The following ARHGAP32 variants were observed in gnomAD, a reference collection of about 807,000 sequenced individuals.
ARHGAP32 encodes Rho GTPase activating protein 32, also known as rho GTPase-activating protein 32.
In ARHGAP32, 51 loss-of-function variants were observed where a neutral mutation model predicts 186.5. That is an observed-to-expected ratio of 0.27 (90% confidence interval 0.22 to 0.35). The LOEUF is 0.35. Ranked by LOEUF, ARHGAP32 falls within the 10% of genes least tolerant of loss-of-function variation. The pLI, the probability that ARHGAP32 is intolerant of heterozygous loss-of-function variation, is 1.00. For missense variants in ARHGAP32, 2,186 were observed against 2,623.5 expected (o/e 0.83, Z 3.64); for synonymous variants, 950 against 964.3 (o/e 0.99, Z 0.27).
chr11:129,045,593 T>C (rs537050202), intron 10 of ARHGAP32, among the ~76,000 whole-genome samples: 1 of 152,358 alleles, frequency 6.6e-6, no homozygotes, highest in Non-Finnish European at 1.5e-5. Context: ...TTCTAATGAA[T>C]ACTTCACCTA....
intron 1 of ARHGAP32, among the ~76,000 whole-genome samples, chr11:129,261,532 A>G (rs1258309985): frequency 6.6e-6 from 1 of 152,212 alleles, no homozygotes; most frequent in Non-Finnish European, 1.5e-5. Flanking sequence ...CGGTTACATT[A>G]ATTCAGTTGT....
At chr11:129,000,196 A>C (rs1946317267) in intron 11 of ARHGAP32, among the ~76,000 whole-genome samples, 1 of 152,190 alleles carries the variant, frequency 6.6e-6, no homozygotes, top group African/African-American at 2.4e-5. Context: ...ATCATCTTAA[A>C]TCCTTTATAG....
intron 6 of ARHGAP32, among the ~76,000 whole-genome samples, chr11:129,087,304 C>A (rs891918914): frequency 2.6e-5 from 4 of 152,130 alleles, no homozygotes; most frequent in African/African-American, 9.7e-5. Context: ...ATGTTTATAG[C>A]AACTTTATTC....
intron 1 of ARHGAP32, among the ~76,000 whole-genome samples, chr11:129,170,927 T>C (rs771900126): frequency 6.6e-6 from 1 of 152,364 alleles, no homozygotes; most frequent in African/African-American, 2.4e-5. Flanking sequence ...TCAGTTATGT[T>C]GAGCTTCTTT....
intron 11 of ARHGAP32, among the ~76,000 whole-genome samples, chr11:129,016,565 A>G (rs1012675116): frequency 5.3e-5 from 8 of 152,252 alleles, no homozygotes; most frequent in Non-Finnish European, 1.0e-4. Context: ...TGCATATAGC[A>G]TGTAAGACGT....
At chr11:129,205,323 C>T (rs553825012) in intron 1 of ARHGAP32, among the ~76,000 whole-genome samples, 1 of 152,230 alleles carries the variant, frequency 6.6e-6, no homozygotes, top group African/African-American at 2.4e-5. Flanking sequence ...TTTCAAGTTA[C>T]ATCACTGTTC....
rs1192422715 is a variant in ARHGAP32, at chr11:129,235,935, A to ACACACT, written c.-5+43205_-5+43210dup. Among the ~76,000 whole-genome samples, 3 of 129,950 alleles carry ACACACT rather than the reference A, an allele frequency of 2.3e-5. No individual in the cohort carries two copies. In the South Asian group the frequency reaches 6.9e-4, roughly 30 times the overall value. 85.3% of individuals were successfully genotyped at this position (129,950 alleles called of 152,430 possible). On this transcript the variant is annotated intron_variant, in intron 1 of 6. Coordinates refer to the ARHGAP32 transcript ENST00000525234. Reference sequence around the variant, plus strand: ...CACACACACACACACACACACACACACACACTCACACACATTTTCTTTATC... The same window carrying ACACACT: ...CACACACACACACACACACACACACACACACTCACACTCACACACATTTTCTTTATC...
At chr11:129,258,520 C>T (rs941438508) in intron 1 of ARHGAP32, among the ~76,000 whole-genome samples, 8 of 152,134 alleles carry the variant, frequency 5.3e-5, no homozygotes, top group African/African-American at 1.9e-4. Context: ...ATTTTCCCTA[C>T]AGCCAAACTT....
At chr11:129,002,970 G>A (rs567303832) in intron 11 of ARHGAP32, among the ~76,000 whole-genome samples, 17 of 150,782 alleles carry the variant, frequency 1.1e-4, no homozygotes, top group South Asian at 4.2e-4. Flanking sequence ...CACTACGCCC[G>A]GCTAACTTTT....
At chr11:129,054,403 C>T (rs1364365911) in intron 10 of ARHGAP32, among the ~76,000 whole-genome samples, 1 of 152,152 alleles carries the variant, frequency 6.6e-6, no homozygotes, top group Non-Finnish European at 1.5e-5. Flanking sequence ...GCATAATAAT[C>T]ATCTGAAAAA....
chr11:129,150,114 C>CAAAAAAA (rs61492745), intron 2 of ARHGAP32, among the ~76,000 whole-genome samples: 1 of 78,168 alleles, frequency 1.3e-5, no homozygotes, highest in African/African-American at 4.5e-5. Flanking sequence ...CTGACAAAGA[C>CAAAAAAA]AAAAAAAAAA....
intron 1 of ARHGAP32, among the ~76,000 whole-genome samples, chr11:129,240,318 T>G (rs190661596): frequency 4.8e-4 from 73 of 152,040 alleles, no homozygotes; most frequent in African/African-American, 1.7e-3. Flanking sequence ...TATATGACCT[T>G]GGGGAAAAAA....
At chr11:129,225,191 C>T (rs1049372779) in intron 1 of ARHGAP32, among the ~76,000 whole-genome samples, 18 of 152,208 alleles carry the variant, frequency 1.2e-4, no homozygotes, top group South Asian at 2.1e-4. Context: ...GATAAATACA[C>T]TAATGAAAAA....
At chr11:129,236,475 T>C (rs570220864) in intron 1 of ARHGAP32, among the ~76,000 whole-genome samples, 16 of 152,160 alleles carry the variant, frequency 1.1e-4, no homozygotes, top group African/African-American at 2.4e-4. Context: ...TATTAGTCCT[T>C]TGTCTGATGT....
At chr11:129,148,233 T>C (rs914291907) in intron 2 of ARHGAP32, among the ~76,000 whole-genome samples, 2 of 152,112 alleles carry the variant, frequency 1.3e-5, no homozygotes, top group Non-Finnish European at 2.9e-5. Flanking sequence ...TCAAAGATCT[T>C]TGAATGAAGC....
intron 1 of ARHGAP32, among the ~76,000 whole-genome samples, chr11:129,266,927 A>C (rs1591386713): frequency 1.3e-5 from 2 of 152,174 alleles, no homozygotes; most frequent in African/African-American, 4.8e-5. Context: ...CAGATGACCC[A>C]ACCAACAGTA....
chr11:129,120,186 CA>C (rs910159776), intron 5 of ARHGAP32, among the ~76,000 whole-genome samples: 11 of 151,834 alleles, frequency 7.2e-5, no homozygotes, highest in Admixed American at 2.6e-4. Flanking sequence ...AAGATGGAGC[CA>C]AAAAATCTGC....
intron 1 of ARHGAP32, among the ~76,000 whole-genome samples, chr11:129,174,543 T>A (rs1005058663): frequency 7.2e-5 from 11 of 152,212 alleles, no homozygotes; most frequent in Non-Finnish European, 1.2e-4. Flanking sequence ...AATGTCCCTG[T>A]CTGACAGCTT....
At chr11:129,054,477 T>C (rs1195680576) in intron 10 of ARHGAP32, among the ~76,000 whole-genome samples, 1 of 152,190 alleles carries the variant, frequency 6.6e-6, no homozygotes. Context: ...CCCATTTTTA[T>C]CACGTTTCTC....
Sources: allele counts gnomAD v4.1 joint callset (sites outside exome capture counted in the v4.1 genomes callset), GRCh38; gene constraint gnomAD v4.1.1; transcripts MANE v1.5; gene names NCBI Gene and HGNC (gene_info 2026-07-23, HGNC 2026-07-21).